MAF: variants seen among roughly 807,000 people sequenced by gnomAD.
MAF encodes the protein MAF bZIP transcription factor, also known as transcription factor Maf.
Under a neutral mutation model 22.0 loss-of-function variants are expected in MAF, and 10 were observed. That is an observed-to-expected ratio of 0.45 (90% CI 0.28 to 0.77). MAF has a LOEUF of 0.77. Among genes scored for constraint, MAF ranks in the 30% least tolerant of loss-of-function variants. MAF has a pLI of 0.12. For synonymous variants in MAF, 337 were observed against 255.8 expected (o/e 1.32, Z -3.03); for missense variants, 544 against 548.4 (o/e 0.99, Z 0.08).
At chr16:79,221,309 G>A in the MAF span, among the ~76,000 whole-genome samples, 1 of 152,192 alleles carries the variant, frequency 6.6e-6, no homozygotes, top group Non-Finnish European at 1.5e-5. Context: ...ACTTTAGGGA[G>A]AGAGGCTGAG....
At chr16:79,559,744 T>A in the MAF span, among the ~76,000 whole-genome samples, 1 of 152,202 alleles carries the variant, frequency 6.6e-6, no homozygotes, top group Non-Finnish European at 1.5e-5. Flanking sequence ...GATGCTATAT[T>A]TCACTCTAAT....
the MAF span, among the ~76,000 whole-genome samples, chr16:79,298,975 T>G: frequency 4.6e-5 from 7 of 152,378 alleles, no homozygotes; most frequent in South Asian, 1.4e-3. Context: ...GGCCCACCAA[T>G]GCTTGCTCCT....
At chr16:79,220,094 A>G in the MAF span, among the ~76,000 whole-genome samples, 2 of 151,894 alleles carry the variant, frequency 1.3e-5, no homozygotes, top group East Asian at 3.9e-4. Context: ...TGTCTCTACT[A>G]AAAATACAAA....
the MAF span, among the ~76,000 whole-genome samples, chr16:79,558,292 A>G: frequency 0.027 from 4,084 of 152,182 alleles, 119 homozygotes; most frequent in African/African-American, 0.074. Context: ...CTATAAAGAG[A>G]AAGAAGAAAG....
At chr16:79,475,897 G>C in the MAF span, among the ~76,000 whole-genome samples, 3 of 152,226 alleles carry the variant, frequency 2.0e-5, no homozygotes, top group South Asian at 2.1e-4. Context: ...CCCTTGAGTG[G>C]GGTCAGGGCC....
the MAF span, among the ~76,000 whole-genome samples, chr16:79,421,565 G>A: frequency 5.9e-5 from 9 of 152,146 alleles, no homozygotes; most frequent in South Asian, 1.0e-3. Flanking sequence ...CAGAAACCTC[G>A]GAAGGGAAGA....
At chr16:79,569,150 C>G in the MAF span, among the ~76,000 whole-genome samples, 1 of 152,190 alleles carries the variant, frequency 6.6e-6, no homozygotes, top group Non-Finnish European at 1.5e-5. Flanking sequence ...GAGTTTAAAC[C>G]AGAGTTTCTC....
At chr16:79,353,391 AG>A in the MAF span, among the ~76,000 whole-genome samples, 1 of 152,196 alleles carries the variant, frequency 6.6e-6, no homozygotes, top group African/African-American at 2.4e-5. Flanking sequence ...GGCCTCCCAA[AG>A]TGCTGGGATT....
chr16:79,598,821 G>T lies in MAF; in HGVS notation c.1082C>A (p.Ser361Ter), dbSNP rs751295454. The T allele has an allele frequency of 6.2e-7, 1 of 1,613,820 alleles. No homozygotes were observed. Among genetic ancestry groups the T allele is most frequent in the Admixed American group, 1.7e-5 (1 of 60,008 alleles). Residue 361 changes from serine to a stop codon, truncating the protein, a stop_gained, in exon 1 of 2, where the codon TCG (serine) becomes TAG (stop). Coordinates refer to ENST00000326043, the MANE Select transcript of MAF (RefSeq NM_005360.5). LOFTEE classifies it high-confidence loss of function. ...LVSSGFRENG[S>*]SSDNPSSPEF... is the part of the protein sequence containing the mutation. ...GGGAGAGGACGGGTTGTCGCTGCTC[G>T]AGCCGTTTTCTCGGAAGCCGCTGCT...
the MAF span, among the ~76,000 whole-genome samples, chr16:79,355,697 G>T: frequency 1.3e-5 from 2 of 152,160 alleles, no homozygotes; most frequent in Non-Finnish European, 2.9e-5. Flanking sequence ...TAGGAAATGT[G>T]GTACAAAAAG....
chr16:79,400,769 A>T, the MAF span, among the ~76,000 whole-genome samples: 8 of 152,248 alleles, frequency 5.3e-5, no homozygotes, highest in Non-Finnish European at 8.8e-5. Context: ...CCTGGCGCCC[A>T]AGTTTTGGCC....
At chr16:79,476,005 C>T in the MAF span, among the ~76,000 whole-genome samples, 401 of 152,234 alleles carry the variant, frequency 2.6e-3, 4 homozygotes, top group African/African-American at 9.4e-3. Context: ...CTAATCAGTT[C>T]GACTTAATCA....
the MAF span, among the ~76,000 whole-genome samples, chr16:79,436,434 C>G: frequency 6.6e-6 from 1 of 152,214 alleles, no homozygotes; most frequent in African/African-American, 2.4e-5. Context: ...TTGCAAAACA[C>G]CTACTGTGCA....
chr16:79,462,321 G>T, the MAF span, among the ~76,000 whole-genome samples: 1 of 152,158 alleles, frequency 6.6e-6, no homozygotes, highest in African/African-American at 2.4e-5. Context: ...AACCCAACAG[G>T]ATGAGTAACC....
chr16:79,461,944 A>G, the MAF span, among the ~76,000 whole-genome samples: 2 of 152,302 alleles, frequency 1.3e-5, no homozygotes, highest in East Asian at 1.9e-4. Context: ...GGAGGACAAC[A>G]GGGCAGAAGC....
At chr16:79,322,065 C>G in the MAF span, among the ~76,000 whole-genome samples, 1 of 152,214 alleles carries the variant, frequency 6.6e-6, no homozygotes, top group East Asian at 1.9e-4. Context: ...AACGCCATCT[C>G]TACTAAAAAT....
At position 79,599,684 on chromosome 16, in the gene MAF, G is replaced by C; in HGVS notation, c.219C>G (p.Phe73Leu). Residue 73 changes from phenylalanine to leucine, a missense_variant, in exon 1 of 2, where the codon TTC becomes TTG. By Grantham distance (22) the Phe-to-Leu change is conservative (BLOSUM62 0). Transcript: ENST00000326043. ...TGCCCGAGCCCGGGCTGGGCGCCGAGAAGCTGGGGGAAGGGGGCACCGAGC... is the reference window on the plus strand; with the variant it reads ...TGCCCGAGCCCGGGCTGGGCGCCGACAAGCTGGGGGAAGGGGGCACCGAGC... ...PCSSVPPSPS[F>L]SAPSPGSGSE... The C allele has an allele frequency of 6.2e-7, 1 of 1,612,394 alleles. No homozygotes were observed. The highest frequency in any genetic ancestry group is 8.5e-7 in the Non-Finnish European group (1 of 1,179,712).
the MAF span, among the ~76,000 whole-genome samples, chr16:79,398,931 G>T: frequency 2.0e-5 from 3 of 152,208 alleles, no homozygotes; most frequent in Non-Finnish European, 4.4e-5. Context: ...CACATGCCTT[G>T]CTCCATTCTG....
the MAF span, among the ~76,000 whole-genome samples, chr16:79,281,627 C>T: frequency 4.0e-5 from 6 of 148,658 alleles, no homozygotes; most frequent in Non-Finnish European, 5.9e-5. Context: ...CGGCTCACTG[C>T]AACCTCCGCC....
Sources: allele counts gnomAD v4.1 joint callset (sites outside exome capture counted in the v4.1 genomes callset), GRCh38; gene constraint gnomAD v4.1.1; transcripts MANE v1.5; gene names NCBI Gene and HGNC (gene_info 2026-07-23, HGNC 2026-07-21).